The following S100A5 variants were observed in gnomAD, a reference collection of about 807,000 sequenced individuals.
S100A5 encodes S100 calcium binding protein A5, also known as protein S100-A5.
S100A5 carries 5 observed loss-of-function variants against 6.7 expected under a neutral mutation model. The ratio of observed to expected loss-of-function variants is 0.75; its 90% CI spans 0.39 to 1.57. The LOEUF is 1.57. Among genes scored for constraint, S100A5 ranks in the 40% most tolerant of loss-of-function variants. The pLI, the probability that S100A5 is intolerant of heterozygous loss-of-function variation, is 0.03. For missense variants in S100A5, 129 were observed against 110.8 expected (o/e 1.16, Z -0.74); for synonymous variants, 49 against 44.9 (o/e 1.09, Z -0.37).
In S100A5 at chr1:153,540,866, G is replaced by A. The variant is rs567432881; in HGVS notation, c.-260C>T. Among the ~76,000 whole-genome samples, 3 of 152,266 alleles carry A rather than the reference G, an allele frequency of 2.0e-5. No individual in the cohort carries two copies. In the East Asian group the frequency reaches 5.8e-4, roughly 29 times the overall value. On this transcript the variant is annotated 5_prime_UTR_variant, in exon 1 of 3. Transcript: ENST00000368717. ...AGGATCATTCCAAAACCTGGATCCAGAGGCTACGCTTGAATAAGGGCCTGG... is the reference window on the plus strand; with the variant it reads ...AGGATCATTCCAAAACCTGGATCCAAAGGCTACGCTTGAATAAGGGCCTGG...
chr1:153,542,688 T>C (rs150595031), upstream of S100A5, among the ~76,000 whole-genome samples: 1 of 152,156 alleles, frequency 6.6e-6, no homozygotes, highest in African/African-American at 2.4e-5. Flanking sequence ...GACATGGCCT[T>C]GAAGTCTAAC....
At chr1:153,541,810 A>C, upstream of S100A5, 1 of 1,050,986 alleles carries the variant, frequency 9.5e-7, no homozygotes, top group Non-Finnish European at 1.2e-6. Context: ...AGCTCTCCAC[A>C]TCGGGCCCCT....
intron 2 of S100A5, among the ~76,000 whole-genome samples, chr1:153,539,435 AAAAAAAAAAAAAAAAATAT>A (rs1163281177): frequency 9.4e-6 from 1 of 106,554 alleles, no homozygotes; most frequent in African/African-American, 4.9e-5. Flanking sequence ...AAAAAAAAAA[AAAAAAAAAAAAAAAAATAT>A]ATATATATAT....
upstream of S100A5, chr1:153,541,702 T>C: frequency 8.7e-7 from 1 of 1,148,452 alleles, no homozygotes; most frequent in Non-Finnish European, 1.1e-6. Flanking sequence ...TGAAATCTGA[T>C]GGAACAATAA....
At chr1:153,541,715 C>G (rs189044509), upstream of S100A5, 4 of 1,142,032 alleles carry the variant, frequency 3.5e-6, no homozygotes, top group East Asian at 2.9e-4. Context: ...AACAATAAGC[C>G]GAAGAAGGGA....
In S100A5 at chr1:153,537,412, A is replaced by G. The variant is rs1164974936; in HGVS notation, c.163T>C (p.Leu55=). 6.2e-7 allele frequency: 1 copy of G among 1,613,996 alleles called. No individual in the cohort carries two copies. The highest frequency in any genetic ancestry group is 2.2e-5 in the East Asian group (1 of 44,894). The change falls in exon 3 of 3, where the codon TTG becomes CTG. Residue 55 remains leucine (L), a synonymous_variant. Coordinates refer to ENST00000368717, the MANE Select transcript of S100A5 (RefSeq NM_001394232.1). ...CTGTTCTTGTCCAGGCTCTTCATCA[A>G]GTCATCGATGCTGCTCTCCTTCATC... ...GEMKESSIDD[L]MKSLDKNSDQ...
chr1:153,539,770 C>T (rs1023650757), intron 2 of S100A5, among the ~76,000 whole-genome samples: 2 of 152,018 alleles, frequency 1.3e-5, no homozygotes, highest in African/African-American at 4.8e-5. Context: ...CAGGTTCTGC[C>T]ACTGCTGGGA....
intron 2 of S100A5, among the ~76,000 whole-genome samples, chr1:153,538,821 AT>A (rs35134736): frequency 6.6e-6 from 1 of 152,020 alleles, no homozygotes; most frequent in Non-Finnish European, 1.5e-5. Context: ...TTGAGCATTG[AT>A]TTTTTTTAAC....
Position 153,537,392 on chromosome 1 carries a change from C to T in S100A5, c.183G>A (p.Lys61=), listed in dbSNP as rs1209460376. The change falls in exon 3 of 3, where the codon AAG becomes AAA. Residue 61 remains lysine, a synonymous_variant. Coordinates refer to ENST00000368717, the MANE Select transcript of S100A5 (RefSeq NM_001394232.1). ...SIDDLMKSLD[K]NSDQEIDFKE... ...TGAAGTCGATCTCCTGGTCGCTGTT[C>T]TTGTCCAGGCTCTTCATCAAGTCAT... 3.1e-6 allele frequency: 5 copies of T among 1,614,186 alleles called. No individual in the cohort carries two copies. The South Asian group carries it at 5.5e-5, about 18-fold the overall frequency.
At chr1:153,541,525 A>T, upstream of S100A5, 1 of 1,337,008 alleles carries the variant, frequency 7.5e-7, no homozygotes, top group African/African-American at 1.5e-5. Context: ...GGACTTGAGG[A>T]TGCCCACGTC....
rs1665207319 is a variant in S100A5, at chr1:153,537,208, G to A, written c.*88C>T. 2.8e-6 allele frequency: 4 copies of A among 1,450,500 alleles called. No individual in the cohort carries two copies. The highest frequency in any genetic ancestry group is 3.7e-5 in the Admixed American group (2 of 54,394). The allele number at this position is 1,450,500 out of a possible 1,614,324, so 89.9% of individuals were successfully genotyped here. On this transcript the variant is annotated 3_prime_UTR_variant, in exon 3 of 3. Transcript: ENST00000368717. ...TGGAAGGGTCCATCTGGGAGGGAGAGGAGGGCAGGGGGCCAAAGAGGGTCT... is the reference window on the plus strand; with the variant it reads ...TGGAAGGGTCCATCTGGGAGGGAGAAGAGGGCAGGGGGCCAAAGAGGGTCT...
intron 2 of S100A5, among the ~76,000 whole-genome samples, chr1:153,539,173 A>G (rs1665285061): frequency 6.6e-6 from 1 of 151,626 alleles, no homozygotes; most frequent in African/African-American, 2.4e-5. Flanking sequence ...CACGCCTGTA[A>G]TCCCAACACT....
upstream of S100A5, chr1:153,543,393 A>C: frequency 1.6e-6 from 1 of 626,520 alleles, no homozygotes; most frequent in Non-Finnish European, 2.0e-6. Context: ...GACCTTCCAA[A>C]CCTTGGCAGG....
upstream of S100A5, among the ~76,000 whole-genome samples, chr1:153,542,487 C>G (rs919564843): frequency 1.3e-5 from 2 of 152,200 alleles, no homozygotes; most frequent in African/African-American, 4.8e-5. Context: ...ACTGAAATTC[C>G]TCCCAAGTCT....
intron 2 of S100A5, among the ~76,000 whole-genome samples, chr1:153,538,980 A>G (rs980431411): frequency 6.6e-6 from 1 of 151,960 alleles, no homozygotes; most frequent in Non-Finnish European, 1.5e-5. Context: ...AATTTTAAAA[A>G]TTATCTAAGC....
intron 2 of S100A5, among the ~76,000 whole-genome samples, chr1:153,539,462 T>A (rs1199307112): frequency 8.1e-5 from 10 of 123,816 alleles, no homozygotes; most frequent in African/African-American, 3.5e-4. Context: ...TATATATATA[T>A]ATATATATAT....
chr1:153,542,016 T>C (rs1571235712), upstream of S100A5: 1 of 493,342 alleles, frequency 2.0e-6, no homozygotes, highest in Non-Finnish European at 2.6e-6. Flanking sequence ...CGTCGGAGAC[T>C]CTTGGCATGG....
upstream of S100A5, chr1:153,541,766 C>T: frequency 9.1e-7 from 1 of 1,096,486 alleles, no homozygotes; most frequent in South Asian, 2.2e-5. Flanking sequence ...AAGTGTGGGA[C>T]AAACACAGGG....
In S100A5 at chr1:153,537,160, G is replaced by T; in HGVS notation, c.*136C>A. The T allele has an allele frequency of 9.9e-7, 1 of 1,011,970 alleles. No homozygotes were observed. Among genetic ancestry groups the T allele is most frequent in the Non-Finnish European group, 1.4e-6 (1 of 689,860 alleles). The allele number at this position is 1,011,970 out of a possible 1,614,324, so 62.7% of individuals were successfully genotyped here. ...TCAAAACCAGACTCCCAGCACCTGC[G>T]ATGGAAACTTTATTTCCTCCCATGG... On this transcript the variant is annotated 3_prime_UTR_variant, in exon 3 of 3. Transcript: ENST00000368717.
Sources: allele counts gnomAD v4.1 joint callset (sites outside exome capture counted in the v4.1 genomes callset), GRCh38; gene constraint gnomAD v4.1.1; transcripts MANE v1.5; gene names NCBI Gene and HGNC (gene_info 2026-07-23, HGNC 2026-07-21).